The following ELP5 variants were observed in gnomAD, a reference collection of about 807,000 sequenced individuals.
The protein encoded by ELP5 is elongator complex protein 5.
In ELP5, 34 loss-of-function variants were observed where a neutral mutation model predicts 33.4. That is an observed-to-expected ratio of 1.02 (90% CI 0.78 to 1.36). The LOEUF is 1.36. Ranked by LOEUF, ELP5 falls within the 40% of genes most tolerant of loss-of-function variation. The probability of loss-of-function intolerance (pLI) is 0.00; values close to 1 mark genes in which losing one functional copy is unlikely to be tolerated. For missense variants in ELP5, 373 were observed against 371.7 expected (o/e 1.00, Z -0.03); for synonymous variants, 161 against 146.4 (o/e 1.10, Z -0.72).
chr17:7,252,324 C>A lies in ELP5; in HGVS notation c.-227C>A. ...GCCCCGGTCACAGTGAAAATGTAGA[C>A]GGGGTCGTTGTCCGTACGACTGTGC... On this transcript the variant is annotated 5_prime_UTR_variant, in exon 1 of 8. Coordinates refer to ENST00000396628, the MANE Select transcript of ELP5 (RefSeq NM_203414.3). 1 of 629,352 alleles carries A rather than the reference C, an allele frequency of 1.6e-6. No individual in the cohort carries two copies. The highest frequency in any genetic ancestry group is 2.8e-6 in the Non-Finnish European group (1 of 353,914). The allele number at this position is 629,352 out of a possible 1,614,324, so 39.0% of individuals were successfully genotyped here. A position where few individuals can be genotyped will look rare whatever the true frequency, so the allele number is the denominator to read the frequency against.
intron 6 of ELP5, 55 bp downstream of exon 6, chr17:7,258,738 G>A (rs778485571): frequency 1.2e-5 from 19 of 1,613,976 alleles, no homozygotes; most frequent in Non-Finnish European, 1.4e-5. Context: ...ATCTGGTCAC[G>A]GGAGAGAAAA....
chr17:7,255,353 G>A (rs908331525), intron 4 of ELP5, among the ~76,000 whole-genome samples: 4 of 151,710 alleles, frequency 2.6e-5, no homozygotes, highest in East Asian at 1.9e-4. Context: ...GTGAAACCCC[G>A]TCTCTACTAA....
In ELP5 at chr17:7,259,803, T is replaced by C; in HGVS notation, c.*118T>C. ...GTCCCTGCCCCACCTTGGTTCCCCT[T>C]GTCTATGGAGCCCCGCCTTGTGAGC... On this transcript the variant is annotated 3_prime_UTR_variant, in exon 8 of 8. Transcript: ENST00000396628. 6.7e-7 allele frequency: 1 copy of C among 1,490,592 alleles called. No individual in the cohort carries two copies. Among genetic ancestry groups the C allele is most frequent in the Non-Finnish European group, 8.9e-7 (1 of 1,119,230 alleles). The allele number at this position is 1,490,592 out of a possible 1,614,324, so 92.3% of individuals were successfully genotyped here.
upstream of ELP5, chr17:7,251,776 GGCCGCGGCAGCGGAGA>G (rs1324819865): frequency 1.3e-5 from 2 of 152,336 alleles, no homozygotes; most frequent in African/African-American, 4.8e-5. Flanking sequence ...GCGCGCAAAG[GGCCGCGGCAGCGGAGA>G]ACGGGCCTGC....
At chr17:7,257,761 T>C (rs931146287) in intron 5 of ELP5, among the ~76,000 whole-genome samples, 7 of 152,148 alleles carry the variant, frequency 4.6e-5, no homozygotes, top group African/African-American at 1.7e-4. Context: ...TTTAAGTCAC[T>C]TACCAAGGTT....
chr17:7,259,281 C>T (rs1381024338), intron 7 of ELP5: 9 of 1,375,054 alleles, frequency 6.5e-6, no homozygotes, highest in South Asian at 3.3e-5. Flanking sequence ...GCTTAGTACA[C>T]GCTTGCTGTT....
intron 5 of ELP5, 148 bp downstream of exon 5, chr17:7,257,186 G>C: frequency 1.1e-6 from 1 of 885,484 alleles, no homozygotes; most frequent in Admixed American, 3.3e-5. Flanking sequence ...GGTCAGGGTG[G>C]TCTCAAACTT....
chr17:7,259,002 G>T, intron 7 of ELP5, 76 bp downstream of exon 7: 1 of 1,595,392 alleles, frequency 6.3e-7, no homozygotes, highest in South Asian at 1.1e-5. Flanking sequence ...GGGGCAACAG[G>T]TTATTGATTA....
chr17:7,259,112 T>TC (rs1266835793), intron 7 of ELP5, 186 bp downstream of exon 7: 9 of 1,445,944 alleles, frequency 6.2e-6, no homozygotes, highest in Non-Finnish European at 8.1e-6. Context: ...ATGTCTCTTT[T>TC]CTCTCCCTTA....
At chr17:7,259,025 A>C (rs775663812) in intron 7 of ELP5, 99 bp downstream of exon 7, 46 of 1,541,532 alleles carry the variant, frequency 3.0e-5, no homozygotes, top group Non-Finnish European at 4.0e-5. Context: ...CTGACTTTAT[A>C]GGGACTGAAG....
chr17:7,258,933 T>C lies in ELP5; in HGVS notation c.788+7T>C, dbSNP rs377260727. ...TCCAGTTCAGTTCTGAAAAGTAAGGTTGGGACCTGGGTACGTGGATCCCTG... is the reference window on the plus strand; with the variant it reads ...TCCAGTTCAGTTCTGAAAAGTAAGGCTGGGACCTGGGTACGTGGATCCCTG... On this transcript the variant is annotated splice_region_variant and intron_variant, in intron 7 of 7. Transcript: ENST00000396628. 13 of 1,613,988 alleles carry C rather than the reference T, an allele frequency of 8.1e-6. No individual in the cohort carries two copies. Among genetic ancestry groups the C allele is most frequent in the Non-Finnish European group, 1.1e-5 (13 of 1,180,028 alleles).
rs2071951132 is a variant in ELP5 at position 7,252,292 on chromosome 17, T to C, written c.-259T>C. On this transcript the variant is annotated 5_prime_UTR_variant, in exon 1 of 8. Transcript: ENST00000396628. ...TCCCACTGACAACTGCCCCAACTGC[T>C]CTTCCCGCCCCGGTCACAGTGAAAA... The C allele has an allele frequency of 5.2e-6, 3 of 572,310 alleles. No homozygotes were observed. Among genetic ancestry groups the C allele is most frequent in the South Asian group, 1.9e-5 (1 of 52,660 alleles). 35.5% of individuals were successfully genotyped at this position (572,310 alleles called of 1,614,324 possible). A position where few individuals can be genotyped will look rare whatever the true frequency, so the allele number is the denominator to read the frequency against.
chr17:7,252,267 T>G lies in ELP5; in HGVS notation c.-284T>G, dbSNP rs2071950165. The G allele has an allele frequency of 5.9e-6, 3 of 512,672 alleles. No homozygotes were observed. The highest frequency in any genetic ancestry group is 3.9e-5 in the African/African-American group (2 of 51,410). The allele number at this position is 512,672 out of a possible 1,614,324, so 31.8% of individuals were successfully genotyped here. A position where few individuals can be genotyped will look rare whatever the true frequency, so the allele number is the denominator to read the frequency against. ...GGGGGCTTGTGGGTCCTCCTCCCCC[T>G]CCCACTGACAACTGCCCCAACTGCT... is the stretch of plus-strand genomic sequence containing the variant. On this transcript the variant is annotated 5_prime_UTR_variant, in exon 1 of 8. Coordinates refer to ENST00000396628, the MANE Select transcript of ELP5 (RefSeq NM_203414.3).
rs958129883 is a variant in ELP5 at position 7,252,325 on chromosome 17, G to C, written c.-226G>C. The C allele has an allele frequency of 9.5e-6, 6 of 629,584 alleles. No homozygotes were observed. Among genetic ancestry groups the C allele is most frequent in the African/African-American group, 1.8e-5 (1 of 54,772 alleles). The allele number at this position is 629,584 out of a possible 1,614,324, so 39.0% of individuals were successfully genotyped here. ...CCCCGGTCACAGTGAAAATGTAGAC[G>C]GGGTCGTTGTCCGTACGACTGTGCG... On this transcript the variant is annotated 5_prime_UTR_variant, in exon 1 of 8. Transcript: ENST00000396628.
rs1048127600 is a variant in ELP5, at chr17:7,258,680, C to T, written c.684C>T (p.Pro228=). The T allele has an allele frequency of 3.7e-6, 6 of 1,614,082 alleles. No homozygotes were observed. In the Admixed American group the frequency reaches 6.7e-5, roughly 18 times the overall value. Residue 228 remains proline, a synonymous_variant, in exon 6 of 8, where the codon CCC becomes CCT. Transcript: ENST00000396628. ...ESQPYSDPHI[P]PVDPTTHLTF... ...AGCCCTACTCCGATCCTCATATACCCCCGGTATCTAAGAATGCCAAGGCCA... is the reference window on the plus strand; with the variant it reads ...AGCCCTACTCCGATCCTCATATACCTCCGGTATCTAAGAATGCCAAGGCCA...
chr17:7,255,485 C>G (rs2072056207), intron 4 of ELP5, among the ~76,000 whole-genome samples: 1 of 151,092 alleles, frequency 6.6e-6, no homozygotes. Context: ...CTGAGATGGG[C>G]CACTGCACTC....
rs762009553 is a variant in ELP5 at position 7,252,787 on chromosome 17, G to A, written c.64G>A (p.Gly22Arg). The A allele has an allele frequency of 2.6e-5, 42 of 1,614,116 alleles. No individual in the cohort carries two copies. The highest frequency in any genetic ancestry group is 1.7e-4 in the Admixed American group (10 of 60,014). ...VLLRDSVEWE[G>R]RSLLKALVKK... The stretch of plus-strand genomic sequence containing the variant: ...CTCTGCAGATTCCGTGGAGTGGGAG[G>A]GGCGCAGTCTCTTGAAGGCGCTTGT... The change falls in exon 2 of 8, where the codon GGG becomes AGG. Residue 22 changes from glycine to arginine, a missense_variant. Physicochemically the swap from Gly to Arg is moderately radical, Grantham distance 125 (BLOSUM62 -2). Transcript: ENST00000396628.
chr17:7,251,967 T>C (rs577960437), upstream of ELP5: 33 of 171,868 alleles, frequency 1.9e-4, no homozygotes, highest in East Asian at 7.4e-4. Context: ...CATTTTACCG[T>C]CCAAAGGACT....
rs2072086792 is a variant in ELP5, at chr17:7,256,886, G to A, written c.439G>A (p.Val147Met). The change falls in exon 5 of 8, where the codon GTG (valine) becomes ATG (methionine). Residue 147 changes from valine to methionine, a missense_variant. Val to Met is a conservative substitution (Grantham distance 21, BLOSUM62 1). Transcript: ENST00000396628. ...CAGCTCCTCAGTGGGGAAAGTGAGTGTGCTGGGCTTGCTACATGAAGAGCT... is the reference window on the plus strand; with the variant it reads ...CAGCTCCTCAGTGGGGAAAGTGAGTATGCTGGGCTTGCTACATGAAGAGCT... ...GDSSSVGKVS[V>M]LGLLHEELHG... The A allele has an allele frequency of 2.5e-6, 4 of 1,614,052 alleles. No individual in the cohort carries two copies. Among genetic ancestry groups the A allele is most frequent in the African/African-American group, 1.3e-5 (1 of 74,936 alleles).
Sources: gnomAD v4.1 joint callset for allele counts (sites outside exome capture counted in the v4.1 genomes callset) on GRCh38, gnomAD v4.1.1 for gene constraint, MANE v1.5 for transcripts, NCBI Gene and HGNC (gene_info 2026-07-23, HGNC 2026-07-21) for gene names.